Variants in SLC15A4 observed in about 807,000 individuals in gnomAD.
SLC15A4 encodes the protein hPHT1.
SLC15A4 carries 26 observed loss-of-function variants against 46.1 expected under a neutral mutation model. The ratio of observed to expected loss-of-function variants is 0.56; its 90% CI spans 0.41 to 0.78. The LOEUF is 0.78. SLC15A4 is among the 30% of genes least tolerant of loss of function. The pLI is 0.00. For synonymous variants in SLC15A4, 370 were observed against 333.4 expected, an observed-to-expected ratio of 1.11 and a Z score of -1.20; for missense variants, 751 against 755.7, an observed-to-expected ratio of 0.99 and a Z score of 0.07.
At chr12:128,813,227 C>A (rs1191111350) in intron 2 of SLC15A4, 1 of 151,464 alleles carries the variant, frequency 6.6e-6, no homozygotes, top group African/African-American at 2.4e-5. Context: ...ACTTTGTCAC[C>A]CAGGCTACAG....
Position 128,799,289 on chromosome 12 carries a change from T to C in SLC15A4, c.1543A>G (p.Ile515Val). The C allele has an allele frequency of 6.2e-7, 1 of 1,614,154 alleles. No individual in the cohort carries two copies. Among genetic ancestry groups the C allele is most frequent in the Non-Finnish European group, 8.5e-7 (1 of 1,180,030 alleles). ...GLLALVSIKA[I>V]GWMSSHTDFG... ...TCTGTGTGACTGCTCATCCATCCGA[T>C]GGCTTTGATAGACACCAGTGCCAGC... Residue 515 changes from isoleucine (I) to valine (V), a missense_variant, in exon 7 of 8, where the codon ATC (isoleucine) becomes GTC (valine). Ile to Val is a conservative substitution (Grantham distance 29). Transcript: ENST00000266771.
chr12:128,799,674 C>A (rs1955491848), intron 6 of SLC15A4, among the ~76,000 whole-genome samples: 1 of 152,176 alleles, frequency 6.6e-6, no homozygotes, highest in Non-Finnish European at 1.5e-5. Context: ...AAACTCCTTG[C>A]TCTCAAGCTT....
At chr12:128,817,958 A>G (rs1466944948) in intron 1 of SLC15A4, among the ~76,000 whole-genome samples, 1 of 152,178 alleles carries the variant, frequency 6.6e-6, no homozygotes. Flanking sequence ...ATGACTGGCC[A>G]AAAGATACCA....
chr12:128,800,518 C>T (rs1178527455), intron 6 of SLC15A4, among the ~76,000 whole-genome samples: 1 of 152,268 alleles, frequency 6.6e-6, no homozygotes, highest in Non-Finnish European at 1.5e-5. Flanking sequence ...GCACTGAGAG[C>T]TGTGAGCTCA....
intron 1 of SLC15A4, among the ~76,000 whole-genome samples, chr12:128,816,917 G>T (rs1023326258): frequency 6.6e-6 from 1 of 152,172 alleles, no homozygotes; most frequent in African/African-American, 2.4e-5. Flanking sequence ...ATTTTTTAAA[G>T]ATTAAATCAG....
At chr12:128,801,162 C>T in intron 5 of SLC15A4, 153 bp from the exon 6 acceptor site, 2 of 674,116 alleles carry the variant, frequency 3.0e-6, no homozygotes, top group Non-Finnish European at 4.8e-6. Flanking sequence ...GACTAATAGG[C>T]CCCCAGCCTT....
chr12:128,803,830 G>A (rs1042340127), intron 5 of SLC15A4, among the ~76,000 whole-genome samples: 9 of 151,196 alleles, frequency 6.0e-5, no homozygotes, highest in East Asian at 5.8e-4. Context: ...TGTCCGGGAC[G>A]ACACGACGAA....
chr12:128,803,718 T>C (rs1363009995), intron 5 of SLC15A4, among the ~76,000 whole-genome samples: 3 of 151,820 alleles, frequency 2.0e-5, no homozygotes, highest in Non-Finnish European at 2.9e-5. Context: ...AAAAAAAAAA[T>C]ACAGCTTTAT....
intron 1 of SLC15A4, among the ~76,000 whole-genome samples, chr12:128,820,987 G>A (rs1236812052): frequency 6.6e-6 from 1 of 152,150 alleles, no homozygotes; most frequent in African/African-American, 2.4e-5. Context: ...TCTCCTATGA[G>A]AGAGGTCGTT....
intron 7 of SLC15A4, among the ~76,000 whole-genome samples, chr12:128,794,693 CCT>C (rs1484478441): frequency 1.3e-5 from 2 of 152,280 alleles, no homozygotes; most frequent in Non-Finnish European, 2.9e-5. Flanking sequence ...CAGGAAAATC[CCT>C]GCGTGGCCTG....
At position 128,823,382 on chromosome 12, in the gene SLC15A4, CG is replaced by C; in HGVS notation, c.546+15del. 1 of 1,396,644 alleles carries C rather than the reference CG, an allele frequency of 7.2e-7. No homozygotes were observed. Among genetic ancestry groups the C allele is most frequent in the Middle Eastern group, 2.6e-4 (1 of 3,824 alleles). The allele number at this position is 1,396,644 out of a possible 1,614,324, so 86.5% of individuals were successfully genotyped here. On this transcript the variant is annotated intron_variant, in intron 1 of 7. Coordinates refer to ENST00000266771, the MANE Select transcript of SLC15A4 (RefSeq NM_145648.4). ...GCTGGACAGGGACAGGGACAGCGCG[CG>C]GGGGCGCGGCTCACCTGGTCGGCGC...
At position 128,793,634 on chromosome 12, in the gene SLC15A4, T is replaced by TTTG. The variant is rs1955409648; in HGVS notation, c.*561_*562insCAA. 6.6e-6 allele frequency: 1 copy of TTTG among 152,012 alleles called. No homozygotes were observed. The allele number at this position is 152,012 out of a possible 1,614,324, so 9.4% of individuals were successfully genotyped here. Reference sequence around the variant, plus strand: ...AGATGAAATGTGTTTACTACCAGCCTAAATCAAAGAACATGGCAAGAGCAA... The same window carrying TTTG: ...AGATGAAATGTGTTTACTACCAGCCTTTGAAATCAAAGAACATGGCAAGAGCAA... On this transcript the variant is annotated 3_prime_UTR_variant, in exon 8 of 8. Transcript: ENST00000266771.
chr12:128,811,877 C>T (rs1955661220), intron 2 of SLC15A4, among the ~76,000 whole-genome samples: 1 of 152,168 alleles, frequency 6.6e-6, no homozygotes, highest in South Asian at 2.1e-4. Flanking sequence ...TACTGGGTTA[C>T]ACATATTGTT....
At chr12:128,822,766 C>A (rs1955865358) in intron 1 of SLC15A4, among the ~76,000 whole-genome samples, 1 of 152,124 alleles carries the variant, frequency 6.6e-6, no homozygotes, top group Non-Finnish European at 1.5e-5. Flanking sequence ...GAACTCCTGA[C>A]CTTAGGTGAT....
At chr12:128,799,166 G>A (rs2291350) in intron 7 of SLC15A4, 93 bp downstream of exon 7, 848,029 of 1,455,820 alleles carry the variant, frequency 0.58, 251,056 homozygotes, top group Non-Finnish European at 0.61. Context: ...GGCCATCCAC[G>A]TGAAAACACC....
intron 5 of SLC15A4, among the ~76,000 whole-genome samples, chr12:128,803,075 T>C (rs557899375): frequency 9.2e-5 from 14 of 152,078 alleles, no homozygotes; most frequent in African/African-American, 3.1e-4. Flanking sequence ...GGGCACCCAG[T>C]AAAAACAAGC....
intron 2 of SLC15A4, among the ~76,000 whole-genome samples, chr12:128,812,756 T>C (rs543127413): frequency 1.7e-4 from 26 of 152,172 alleles, no homozygotes; most frequent in African/African-American, 6.3e-4. Context: ...GATGAATCCA[T>C]CTCCGCTGTA....
At chr12:128,812,141 G>C (rs887478559) in intron 2 of SLC15A4, among the ~76,000 whole-genome samples, 1 of 152,186 alleles carries the variant, frequency 6.6e-6, no homozygotes, top group Admixed American at 6.5e-5. Context: ...ACTCTGGTCT[G>C]ATGAGTTGAA....
At position 128,793,737 on chromosome 12, in the gene SLC15A4, A is replaced by C. The variant is rs1360363312; in HGVS notation, c.*459T>G. On this transcript the variant is annotated 3_prime_UTR_variant, in exon 8 of 8. Coordinates refer to ENST00000266771, the MANE Select transcript of SLC15A4 (RefSeq NM_145648.4). ...AGCATCTGACCATGCTTTTATCTTT[A>C]AAAAAAAAAAAATCCTCACTTTCTT... is the stretch of plus-strand genomic sequence containing the variant. 2.6e-4 allele frequency: 6 copies of C among 23,528 alleles called. No homozygotes were observed. Among genetic ancestry groups the C allele is most frequent in the Non-Finnish European group, 3.7e-4 (2 of 5,384 alleles). 1.5% of individuals were successfully genotyped at this position (23,528 alleles called of 1,614,324 possible). A position where few individuals can be genotyped will look rare whatever the true frequency, so the allele number is the denominator to read the frequency against.
Sources: allele counts gnomAD v4.1 joint callset (sites outside exome capture counted in the v4.1 genomes callset), GRCh38; gene constraint gnomAD v4.1.1; transcripts MANE v1.5; gene names NCBI Gene and HGNC (gene_info 2026-07-23, HGNC 2026-07-21).